ARHGEF26: variants seen among roughly 807,000 people sequenced by gnomAD.
ARHGEF26 encodes Rho guanine nucleotide exchange factor (GEF) 26.
Under a neutral mutation model 89.4 loss-of-function variants are expected in ARHGEF26, and 59 were observed. The observed-to-expected ratio is 0.66, with a 90% CI of 0.54 to 0.82. The LOEUF (loss-of-function observed/expected upper bound fraction) is 0.82. ARHGEF26 is among the 40% of genes least tolerant of loss of function. The probability of loss-of-function intolerance (pLI) is 0.00; values close to 1 mark genes in which losing one functional copy is unlikely to be tolerated. For synonymous variants in ARHGEF26, 500 were observed against 428.4 expected, an observed-to-expected ratio of 1.17 and a Z score of -2.06; for missense variants, 1,234 against 1,085.6, an observed-to-expected ratio of 1.14 and a Z score of -1.92.
intron 12 of ARHGEF26, among the ~76,000 whole-genome samples, chr3:154,240,992 C>G (rs922960088): frequency 6.6e-6 from 1 of 152,212 alleles, no homozygotes; most frequent in African/African-American, 2.4e-5. Flanking sequence ...CTACCTTCAA[C>G]CAGAGAGCAG....
chr3:154,207,920 A>C (rs1024318481), intron 9 of ARHGEF26, among the ~76,000 whole-genome samples: 1 of 152,236 alleles, frequency 6.6e-6, no homozygotes, highest in Admixed American at 6.5e-5. Context: ...GCCACAAAAA[A>C]GAATGAGATC....
intron 10 of ARHGEF26, among the ~76,000 whole-genome samples, chr3:154,221,583 CAA>C (rs1404641618): frequency 6.6e-6 from 1 of 152,042 alleles, no homozygotes; most frequent in African/African-American, 2.4e-5. Context: ...AAATATCTAT[CAA>C]AGAGGATTAA....
intron 10 of ARHGEF26, 80 bp downstream of exon 10, chr3:154,218,038 A>G: frequency 1.6e-6 from 2 of 1,263,482 alleles, no homozygotes; most frequent in Non-Finnish European, 1.1e-6. Context: ...GCAACAAAGT[A>G]GATAGGAAAT....
intron 6 of ARHGEF26, among the ~76,000 whole-genome samples, chr3:154,155,598 C>T (rs1033940673): frequency 1.2e-4 from 18 of 151,820 alleles, no homozygotes; most frequent in African/African-American, 4.1e-4. Flanking sequence ...GCTTGAAGGA[C>T]GTGTACGTTC....
At chr3:154,174,882 GAAAATGCTTAA>G (rs1342835492) in intron 6 of ARHGEF26, among the ~76,000 whole-genome samples, 1 of 151,924 alleles carries the variant, frequency 6.6e-6, no homozygotes, top group Non-Finnish European at 1.5e-5. Flanking sequence ...AGAAAACTGA[GAAAATGCTTAA>G]AATTAGAAAA....
Position 154,256,842 on chromosome 3 carries a change from C to T in ARHGEF26, c.*1369C>T, listed in dbSNP as rs1479767916. On this transcript the variant is annotated 3_prime_UTR_variant, in exon 15 of 15. Coordinates refer to ENST00000465093, the MANE Select transcript of ARHGEF26 (RefSeq NM_015595.4). ...CAGAGTCCCTCTTAACTGTGAGTTT[C>T]TATAGAACTTTACTTTTTCCACTAG... 6.5e-7 allele frequency: 1 copy of T among 1,531,374 alleles called. No individual in the cohort carries two copies. Among genetic ancestry groups the T allele is most frequent in the Admixed American group, 2.0e-5 (1 of 50,348 alleles). 94.9% of individuals were successfully genotyped at this position (1,531,374 alleles called of 1,614,324 possible). A position where few individuals can be genotyped will look rare whatever the true frequency, so the allele number is the denominator to read the frequency against.
rs148970695 is a variant in ARHGEF26, at chr3:154,140,273, C to T, written c.1270-9116C>T. 7.5e-3 allele frequency among the ~76,000 whole-genome samples: 1,148 copies of T among 152,274 alleles called. 18 individuals are homozygous for T. The highest frequency in any genetic ancestry group is 0.026 in the African/African-American group (1,065 of 41,540). On this transcript the variant is annotated intron_variant, in intron 4 of 14. Coordinates refer to ENST00000465093, the MANE Select transcript of ARHGEF26 (RefSeq NM_015595.4). ...ATTTCAGATACAGTTTATGTAGTCC[C>T]GGGACAATGCCACGAGGGTAAGTAC...
In ARHGEF26 at chr3:154,122,937, G is replaced by T; in HGVS notation, c.945G>T (p.Thr315=). 3.1e-6 allele frequency: 5 copies of T among 1,613,476 alleles called. No homozygotes were observed. Among genetic ancestry groups the T allele is most frequent in the Non-Finnish European group, 4.2e-6 (5 of 1,179,692 alleles). The part of the protein sequence containing the change: ...PGSLRRGLRS[T]SYRRAVVSGF... ...CTCTGCGGAGAGGCTTGCGGTCCACGTCTTATCGCAGGGCAGTGGTCAGTG... is the reference window on the plus strand; with the variant it reads ...CTCTGCGGAGAGGCTTGCGGTCCACTTCTTATCGCAGGGCAGTGGTCAGTG... Residue 315 remains threonine, a synonymous_variant, in exon 2 of 15, where the codon ACG becomes ACT. Transcript: ENST00000465093.
chr3:154,204,263 T>C (rs183997437), intron 9 of ARHGEF26, among the ~76,000 whole-genome samples: 1 of 143,742 alleles, frequency 7.0e-6, no homozygotes, highest in Non-Finnish European at 1.6e-5. Context: ...TCCTTTAGTT[T>C]TTCTTTATTA....
Position 154,250,248 on chromosome 3 carries a change from C to T in ARHGEF26, c.2301-2868C>T, listed in dbSNP as rs573957464. On this transcript the variant is annotated intron_variant, in intron 12 of 14. Coordinates refer to ENST00000465093, the MANE Select transcript of ARHGEF26 (RefSeq NM_015595.4). ...TTCTCCATGTTGGTCAGGCTGGTCT[C>T]GAACTCCTGACCTCAGGTGATCCCT... 3.7e-4 allele frequency among the ~76,000 whole-genome samples: 57 copies of T among 152,250 alleles called. 2 individuals carry two copies. In the South Asian group the frequency reaches 0.011, roughly 30 times the overall value.
At chr3:154,214,004 A>T (rs147103525) in intron 9 of ARHGEF26, among the ~76,000 whole-genome samples, 1 of 152,206 alleles carries the variant, frequency 6.6e-6, no homozygotes, top group East Asian at 1.9e-4. Context: ...AAGTAGGGGG[A>T]TATAAATCTA....
At chr3:154,234,565 C>T (rs990724226) in intron 11 of ARHGEF26, among the ~76,000 whole-genome samples, 1 of 151,996 alleles carries the variant, frequency 6.6e-6, no homozygotes, top group Non-Finnish European at 1.5e-5. Context: ...ATATGTTTCC[C>T]CAAATGTCCC....
At chr3:154,218,982 A>C (rs986650901) in intron 10 of ARHGEF26, among the ~76,000 whole-genome samples, 10 of 152,216 alleles carry the variant, frequency 6.6e-5, no homozygotes, top group African/African-American at 2.4e-4. Flanking sequence ...AATGGTTTAG[A>C]TGCAGAAACA....
At chr3:154,252,066 T>C (rs1718192450) in intron 12 of ARHGEF26, among the ~76,000 whole-genome samples, 1 of 152,218 alleles carries the variant, frequency 6.6e-6, no homozygotes, top group Non-Finnish European at 1.5e-5. Context: ...CTGCCTGGGT[T>C]GGAAGGATGC....
chr3:154,245,729 C>CAGT lies in ARHGEF26; in HGVS notation c.2300+5151_2300+5152insGTA, dbSNP rs368625584. ...ACTCCAAACTCCCAGCCTCCTGCTA[C>CAGT]ATCCTTCCTTTCCTTTACAGAACTT... On this transcript the variant is annotated intron_variant, in intron 12 of 14. Transcript: ENST00000465093. Among the ~76,000 whole-genome samples the CAGT allele has an allele frequency of 3.4e-3, 515 of 152,352 alleles. 3 individuals carry two copies. The highest frequency in any genetic ancestry group is 0.012 in the African/African-American group (495 of 41,574).
intron 9 of ARHGEF26, among the ~76,000 whole-genome samples, chr3:154,204,182 G>T (rs1384978799): frequency 2.0e-5 from 3 of 151,882 alleles, no homozygotes; most frequent in Admixed American, 1.3e-4. Flanking sequence ...ACTTGTTACT[G>T]GTCTATTCAG....
intron 12 of ARHGEF26, among the ~76,000 whole-genome samples, chr3:154,250,384 A>T (rs115162635): frequency 6.6e-6 from 1 of 150,818 alleles, no homozygotes; most frequent in Non-Finnish European, 1.5e-5. Flanking sequence ...AGCATCTAAG[A>T]GGGGGGGGTG....
intron 6 of ARHGEF26, 26 bp from the exon 7 acceptor site, chr3:154,187,659 A>G: frequency 6.4e-7 from 1 of 1,556,978 alleles, no homozygotes; most frequent in Non-Finnish European, 8.7e-7. Flanking sequence ...AGAAGTGTTA[A>G]TTTTTTTTTC....
chr3:154,205,729 G>T (rs145420451), intron 9 of ARHGEF26, among the ~76,000 whole-genome samples: 1,605 of 152,040 alleles, frequency 0.011, 20 homozygotes, highest in African/African-American at 0.037. Context: ...AGCACTATTT[G>T]CATAAGCAAG....
Sources: gnomAD v4.1 joint callset for allele counts (sites outside exome capture counted in the v4.1 genomes callset) on GRCh38, gnomAD v4.1.1 for gene constraint, MANE v1.5 for transcripts, NCBI Gene and HGNC (gene_info 2026-07-23, HGNC 2026-07-21) for gene names.